PC: variants seen among roughly 807,000 people sequenced by gnomAD.
The protein encoded by PC is pyruvate carboxylase.
Under a neutral mutation model 107.8 loss-of-function variants are expected in PC, and 46 were observed. The ratio of observed to expected loss-of-function variants is 0.43; its 90% CI spans 0.34 to 0.55. PC has a LOEUF of 0.55. Among genes scored for constraint, PC ranks in the 20% least tolerant of loss-of-function variants. The pLI, the probability that PC is intolerant of heterozygous loss-of-function variation, is 0.04. For missense variants in PC, 1,241 were observed against 1,643.1 expected (o/e 0.76, Z 4.23); for synonymous variants, 662 against 684.7 (o/e 0.97, Z 0.52).
Position 66,858,669 on chromosome 11 carries a change from G to C in PC, c.1368+5105C>G, listed in dbSNP as rs894803860. ...GCGGTGCCGGGCCCTGGGTGACCCC[G>C]CGCCTACCATGCACTGGGTCGGTCC... On this transcript the variant is annotated intron_variant, in intron 12 of 22. Transcript: ENST00000393960. This position sits in a 1 kb window ranked among gnomAD's most constrained non-coding sequence, Gnocchi z 5.9. 1.9e-6 allele frequency: 3 copies of C among 1,544,712 alleles called. No homozygotes were observed. Among genetic ancestry groups the C allele is most frequent in the Non-Finnish European group, 2.6e-6 (3 of 1,144,332 alleles).
intron 3 of PC, among the ~76,000 whole-genome samples, chr11:66,917,946 T>C (rs1948501468): frequency 6.6e-6 from 1 of 152,130 alleles, no homozygotes; most frequent in Admixed American, 6.5e-5. Flanking sequence ...GGGGACAAAC[T>C]GGAAGCTGGT....
In PC at chr11:66,851,100, C is replaced by A. The variant is rs1231130693; in HGVS notation, c.2163G>T (p.Gln721His). Residue 721 changes from glutamine to histidine, a missense_variant, in exon 17 of 23, where the codon CAG (glutamine) becomes CAT (histidine). By Grantham distance (24) the Gln-to-His change is conservative (BLOSUM62 0). Around this residue, in one of 2 missense-constraint regions of PC, gnomAD observed 1,143 missense variants for 1,551.9 expected, o/e 0.74. Coordinates refer to ENST00000393960, the MANE Select transcript of PC (RefSeq NM_001040716.2). ...ADPSRTKYSL[Q>H]YYMGLAEELV... ...GCTCTTCGGCCAAGCCCATGTAGTA[C>A]TGCAGTGAGTACTTGGTGCGGCTGG... is the stretch of plus-strand genomic sequence containing the variant. The A allele has an allele frequency of 6.2e-7, 1 of 1,613,376 alleles. No individual in the cohort carries two copies. Among genetic ancestry groups the A allele is most frequent in the South Asian group, 1.1e-5 (1 of 91,088 alleles).
intron 3 of PC, among the ~76,000 whole-genome samples, chr11:66,941,136 A>C (rs1475602237): frequency 6.6e-6 from 1 of 151,980 alleles, no homozygotes; most frequent in Non-Finnish European, 1.5e-5. Context: ...GGAAATGCAA[A>C]TCCAAACTAC....
chr11:66,914,622 AAT>A (rs1375972374), intron 3 of PC, among the ~76,000 whole-genome samples: 3 of 152,218 alleles, frequency 2.0e-5, no homozygotes, highest in African/African-American at 7.2e-5. Context: ...AAACACAGAT[AAT>A]CTACAAACTG....
At chr11:66,929,587 G>A (rs183109042) in intron 3 of PC, among the ~76,000 whole-genome samples, 114 of 152,186 alleles carry the variant, frequency 7.5e-4, no homozygotes, top group Non-Finnish European at 1.4e-3. Flanking sequence ...GGGTGGTCTC[G>A]AACTCCTGAA....
intron 3 of PC, among the ~76,000 whole-genome samples, chr11:66,943,981 AAAAAAG>A (rs1443619144): frequency 6.7e-6 from 1 of 148,896 alleles, no homozygotes; most frequent in African/African-American, 2.5e-5. Flanking sequence ...AAAAAAAAAA[AAAAAAG>A]AAAAGAACAA....
At chr11:66,908,303 G>C (rs1156321735) in intron 3 of PC, among the ~76,000 whole-genome samples, 1 of 152,116 alleles carries the variant, frequency 6.6e-6, no homozygotes, top group Non-Finnish European at 1.5e-5. Flanking sequence ...ACTATGCCTT[G>C]GGTTGTCCAC....
At chr11:66,863,069 C>T (rs888737600) in intron 12 of PC, among the ~76,000 whole-genome samples, 7 of 152,150 alleles carry the variant, frequency 4.6e-5, no homozygotes, top group Non-Finnish European at 7.4e-5. Flanking sequence ...AGGCCAGGCA[C>T]GGTGGCTCAC....
At position 66,868,966 on chromosome 11, in the gene PC, T is replaced by C; in HGVS notation, c.904-2A>G. 6.2e-7 allele frequency: 1 copy of C among 1,612,054 alleles called. No individual in the cohort carries two copies. The highest frequency in any genetic ancestry group is 8.5e-7 in the Non-Finnish European group (1 of 1,178,490). On this transcript the variant is annotated splice_acceptor_variant, in intron 9 of 22. Transcript: ENST00000393960. LOFTEE classifies it high-confidence loss of function. ...GGTGCCTGCGTTCTCGTAGCCCACC[T>C]GTGGGGGCGGCCACGTGAGCAGGGG...
intron 3 of PC, among the ~76,000 whole-genome samples, chr11:66,884,782 G>A (rs1029470823): frequency 3.3e-5 from 5 of 152,212 alleles, no homozygotes; most frequent in Admixed American, 6.5e-5. Context: ...GGACTCAGAC[G>A]CAGCCTGGCA....
At chr11:66,942,116 A>T (rs1476870393) in intron 3 of PC, among the ~76,000 whole-genome samples, 2 of 147,572 alleles carry the variant, frequency 1.4e-5, no homozygotes, top group Non-Finnish European at 3.0e-5. Context: ...AAAAAAAAAA[A>T]TGCTGGGCGC....
rs577081156 is a variant in PC, at chr11:66,914,395, C to A, written c.-1+38035G>T. ...GGCGTGGTGGCAGGCACCTGTAATG[C>A]CAGCTACTAGGGAGGCTGAGGCAGG... On this transcript the variant is annotated intron_variant, in intron 3 of 22. Coordinates refer to ENST00000393960, the MANE Select transcript of PC (RefSeq NM_001040716.2). Among the ~76,000 whole-genome samples the A allele has an allele frequency of 2.0e-5, 3 of 152,018 alleles. No homozygotes were observed. In the South Asian group the frequency reaches 6.2e-4, roughly 32 times the overall value.
At chr11:66,917,414 A>T (rs1385581340) in intron 3 of PC, among the ~76,000 whole-genome samples, 1 of 152,138 alleles carries the variant, frequency 6.6e-6, no homozygotes, top group Non-Finnish European at 1.5e-5. Context: ...ACTTATCAGA[A>T]GGGTCTATGC....
At chr11:66,859,113 A>G (rs750530918) in intron 12 of PC, 2 of 1,475,936 alleles carry the variant, frequency 1.4e-6, no homozygotes, top group South Asian at 2.9e-5. Flanking sequence ...CGTGCCCCAC[A>G]CCCGGCTGCA....
At chr11:66,933,458 G>A (rs527776892) in intron 3 of PC, among the ~76,000 whole-genome samples, 43 of 152,252 alleles carry the variant, frequency 2.8e-4, no homozygotes, top group Admixed American at 5.2e-4. Flanking sequence ...CCACCATCCC[G>A]AAAGATGGTG....
chr11:66,939,417 A>G (rs1455376984), intron 3 of PC, among the ~76,000 whole-genome samples: 1 of 152,198 alleles, frequency 6.6e-6, no homozygotes, highest in East Asian at 1.9e-4. Context: ...GGGGATAGCA[A>G]GAAACAACTG....
chr11:66,875,120 C>T lies in PC; in HGVS notation c.1-2961G>A, dbSNP rs1223423885. Among the ~76,000 whole-genome samples the T allele has an allele frequency of 3.3e-5, 5 of 151,976 alleles. No homozygotes were observed. In the South Asian group the frequency reaches 6.2e-4, roughly 19 times the overall value. On this transcript the variant is annotated intron_variant, in intron 3 of 22. Transcript: ENST00000393960. The stretch of plus-strand genomic sequence containing the variant: ...ATGGACAGGACAGGAGGGACATGAT[C>T]GATGCACAGTGGAAAGGATCTCTCT...
Position 66,849,697 on chromosome 11 carries a change from T to C in PC, c.3061A>G (p.Lys1021Glu). ...AMYPDVFAHFKDFTATFGPLD... is the reference protein window; with the variant it reads ...AMYPDVFAHFEDFTATFGPLD... ...GGGCCAAAGGTGGCAGTGAAGTCCT[T>C]GAAGTGGGCAAACACATCGGGGTAC... The change falls in exon 21 of 23, where the codon AAG becomes GAG. Residue 1021 changes from lysine to glutamate, a missense_variant. Transcript: ENST00000393960. The C allele has an allele frequency of 1.2e-6, 2 of 1,614,182 alleles. No individual in the cohort carries two copies. Among genetic ancestry groups the C allele is most frequent in the South Asian group, 1.1e-5 (1 of 91,088 alleles).
intron 12 of PC, chr11:66,859,823 C>T (rs138346514): frequency 2.1e-5 from 33 of 1,579,352 alleles, no homozygotes; most frequent in African/African-American, 1.6e-4. Flanking sequence ...TGCAGGCCCA[C>T]GTGCTGGGCG....
Sources: gnomAD v4.1 joint callset for allele counts (sites outside exome capture counted in the v4.1 genomes callset) on GRCh38, gnomAD v4.1.1 for gene constraint, gnomAD v4.1.1 regional missense constraint, Gnocchi (gnomAD v3.1) non-coding constraint, MANE v1.5 for transcripts, NCBI Gene and HGNC (gene_info 2026-07-23, HGNC 2026-07-21) for gene names.